The following SHISA6 variants were observed in gnomAD, a reference collection of about 807,000 sequenced individuals.
SHISA6 encodes the protein shisa family member 6.
A neutral mutation model predicts 47.9 loss-of-function variants in SHISA6; 22 were observed. That is an observed-to-expected ratio of 0.46 (90% CI 0.33 to 0.66). The LOEUF (loss-of-function observed/expected upper bound fraction) is 0.66. Ranked by LOEUF, SHISA6 falls within the 30% of genes least tolerant of loss-of-function variation. SHISA6 has a pLI of 0.02. For missense variants in SHISA6, 680 were observed against 764.6 expected (o/e 0.89, Z 1.30); for synonymous variants, 388 against 337.8 (o/e 1.15, Z -1.63).
intron 2 of SHISA6, among the ~76,000 whole-genome samples, chr17:11,375,279 T>C (rs962212643): frequency 2.6e-5 from 4 of 152,232 alleles, no homozygotes; most frequent in Admixed American, 6.5e-5. Context: ...TTATTTTAAA[T>C]AGATATGACT....
rs77097506 is a variant in SHISA6, at chr17:11,267,224, C to T, written c.799+3698C>T. 2.0e-3 allele frequency among the ~76,000 whole-genome samples: 302 copies of T among 152,304 alleles called. 2 individuals carry two copies. The highest frequency in any genetic ancestry group is 6.9e-3 in the African/African-American group (286 of 41,566). On this transcript the variant is annotated intron_variant, in intron 2 of 5. Transcript: ENST00000441885. ...AAACCAGTGAACCCTGCTTTAATCC[C>T]TTACCCCTCAAATCTGGCTGCCTGC...
chr17:11,454,392 G>A (rs770887149), intron 3 of SHISA6, among the ~76,000 whole-genome samples: 16 of 152,136 alleles, frequency 1.1e-4, no homozygotes, highest in East Asian at 1.9e-4. Context: ...TCCACAGAGC[G>A]GGCAAAGTGA....
intron 3 of SHISA6, among the ~76,000 whole-genome samples, chr17:11,406,405 T>G (rs1469801594): frequency 1.3e-5 from 2 of 152,230 alleles, no homozygotes; most frequent in African/African-American, 4.8e-5. Context: ...TCGCCAGTCC[T>G]CACCAGAATA....
chr17:11,511,291 G>A (rs958228192), intron 3 of SHISA6, among the ~76,000 whole-genome samples: 1 of 152,056 alleles, frequency 6.6e-6, no homozygotes, highest in African/African-American at 2.4e-5. Flanking sequence ...GTCAAGGGGT[G>A]AGGGGGCAAG....
intron 3 of SHISA6, among the ~76,000 whole-genome samples, chr17:11,413,090 G>A (rs200376162): frequency 2.6e-5 from 4 of 152,082 alleles, no homozygotes; most frequent in South Asian, 2.1e-4. Context: ...TCCTACCCAC[G>A]TGGCTTCCTC....
chr17:11,241,444 C>A lies in SHISA6; in HGVS notation c.22C>A (p.Leu8Met). 1 of 1,199,914 alleles carries A rather than the reference C, an allele frequency of 8.3e-7. No homozygotes were observed. The highest frequency in any genetic ancestry group is 1.7e-5 in the South Asian group (1 of 58,934). The allele number at this position is 1,199,914 out of a possible 1,614,324, so 74.3% of individuals were successfully genotyped here. A position where few individuals can be genotyped will look rare whatever the true frequency, so the allele number is the denominator to read the frequency against. Residue 8 changes from leucine to methionine, a missense_variant, in exon 1 of 6, where the codon CTG becomes ATG. Physicochemically the swap from Leu to Met is conservative, Grantham distance 15. This residue lies in a region of SHISA6 where 121 missense variants were observed against 90.5 expected (regional missense o/e 1.34). Coordinates refer to ENST00000441885, the MANE Select transcript of SHISA6 (RefSeq NM_207386.4). This position sits in a 1 kb window ranked among gnomAD's most constrained non-coding sequence, Gnocchi z 5.5. The stretch of plus-strand genomic sequence containing the variant: ...CGCCATGGCGCTGCGGCGCCTCCTG[C>A]TGCTGCTGCTGCTCTCGCTGGAGTC... MALRRLL[L>M]LLLLSLESLD...
In SHISA6 at chr17:11,427,694, T is replaced by C. The variant is rs577299115; in HGVS notation, c.895+48185T>C. ...TGTTTATGACATTACTTAGGTGGAT[T>C]AATGTACTAAAGGACTTGCTTCCCG... On this transcript the variant is annotated intron_variant, in intron 3 of 5. Coordinates refer to ENST00000441885, the MANE Select transcript of SHISA6 (RefSeq NM_207386.4). Among the ~76,000 whole-genome samples, 219 of 152,246 alleles carry C rather than the reference T, an allele frequency of 1.4e-3. 1 individual carries two copies. The highest frequency in any genetic ancestry group is 4.0e-3 in the African/African-American group (168 of 41,548).
At chr17:11,446,259 CTG>C (rs1171270048) in intron 3 of SHISA6, among the ~76,000 whole-genome samples, 1 of 152,124 alleles carries the variant, frequency 6.6e-6, no homozygotes, top group African/African-American at 2.4e-5. Flanking sequence ...TTGGATGAAA[CTG>C]TTGTTTCTTG....
At chr17:11,529,785 A>G (rs1374085573) in intron 3 of SHISA6, among the ~76,000 whole-genome samples, 3 of 152,212 alleles carry the variant, frequency 2.0e-5, no homozygotes, top group Non-Finnish European at 4.4e-5. Context: ...TGGGAAATCA[A>G]TATCCTTTAT....
At chr17:11,442,645 A>G (rs1407310286) in intron 3 of SHISA6, among the ~76,000 whole-genome samples, 1 of 152,172 alleles carries the variant, frequency 6.6e-6, no homozygotes, top group Non-Finnish European at 1.5e-5. Flanking sequence ...CACAGTAAAG[A>G]CTCAGCACTG....
At chr17:11,333,745 C>T (rs1911217205) in intron 2 of SHISA6, among the ~76,000 whole-genome samples, 1 of 152,074 alleles carries the variant, frequency 6.6e-6, no homozygotes, top group African/African-American at 2.4e-5. Flanking sequence ...AAACTCCTGA[C>T]CTCAGGTGGC....
chr17:11,409,682 G>A (rs554129562), intron 3 of SHISA6, among the ~76,000 whole-genome samples: 1 of 148,644 alleles, frequency 6.7e-6, no homozygotes, highest in East Asian at 2.0e-4. Flanking sequence ...CCAGCCTCGG[G>A]GACAGAGCAA....
At chr17:11,395,735 C>T (rs1004704807) in intron 3 of SHISA6, among the ~76,000 whole-genome samples, 5 of 152,050 alleles carry the variant, frequency 3.3e-5, no homozygotes, top group African/African-American at 1.2e-4. Flanking sequence ...CCACGCTGGT[C>T]TCGAACTCCT....
chr17:11,329,607 T>C (rs1248307240), intron 2 of SHISA6, among the ~76,000 whole-genome samples: 1 of 151,874 alleles, frequency 6.6e-6, no homozygotes, highest in Non-Finnish European at 1.5e-5. Flanking sequence ...GAGTAAAACA[T>C]TTTAGGTAAG....
chr17:11,322,295 A>G (rs1256479759), intron 2 of SHISA6, among the ~76,000 whole-genome samples: 3 of 152,080 alleles, frequency 2.0e-5, no homozygotes, highest in East Asian at 3.9e-4. Context: ...ATTTATCTAT[A>G]TATTTACCAT....
At chr17:11,487,418 G>A (rs6502153) in intron 3 of SHISA6, among the ~76,000 whole-genome samples, 7,618 of 152,186 alleles carry the variant, frequency 0.05, 614 homozygotes, top group African/African-American at 0.17. Flanking sequence ...TGTCATAACT[G>A]GCCATAAACT....
intron 3 of SHISA6, among the ~76,000 whole-genome samples, chr17:11,478,513 G>T (rs1422159881): frequency 2.4e-5 from 2 of 83,440 alleles, no homozygotes; most frequent in Non-Finnish European, 4.5e-5. Context: ...TGTCCTGAAT[G>T]GTAATGCCTA....
intron 2 of SHISA6, among the ~76,000 whole-genome samples, chr17:11,347,323 A>G (rs1166023052): frequency 6.6e-6 from 1 of 152,204 alleles, no homozygotes; most frequent in Admixed American, 6.5e-5. Flanking sequence ...TGGGAGAAGA[A>G]CCAGGGGAGT....
chr17:11,454,288 C>T (rs912581183), intron 3 of SHISA6, among the ~76,000 whole-genome samples: 2 of 152,160 alleles, frequency 1.3e-5, no homozygotes, highest in African/African-American at 4.8e-5. Context: ...AGTGAGTCAC[C>T]GTTATCTCTC....
Sources: allele counts gnomAD v4.1 joint callset (sites outside exome capture counted in the v4.1 genomes callset), GRCh38; gene constraint gnomAD v4.1.1; regional missense constraint gnomAD v4.1.1; non-coding constraint Gnocchi (gnomAD v3.1); transcripts MANE v1.5; gene names NCBI Gene and HGNC (gene_info 2026-07-23, HGNC 2026-07-21).